SMOC2: variants seen among roughly 807,000 people sequenced by gnomAD.
SMOC2 encodes the protein SPARC related modular calcium binding 2, also known as SPARC-related modular calcium-binding protein 2.
Under a neutral mutation model 61.4 loss-of-function variants are expected in SMOC2, and 39 were observed. The observed-to-expected ratio is 0.64, with a 90% confidence interval of 0.49 to 0.83. The LOEUF is 0.83. Among genes scored for constraint, SMOC2 ranks in the 40% least tolerant of loss-of-function variants. The pLI is 0.00. For synonymous variants in SMOC2, 247 were observed against 239.9 expected (o/e 1.03, Z -0.27); for missense variants, 556 against 592.9 (o/e 0.94, Z 0.65).
At chr6:168,536,495 G>A (rs895796872) in intron 4 of SMOC2, among the ~76,000 whole-genome samples, 2 of 152,174 alleles carry the variant, frequency 1.3e-5, no homozygotes, top group Non-Finnish European at 2.9e-5. Flanking sequence ...GTGAAGCTCA[G>A]CCTCACGGTG....
intron 1 of SMOC2, among the ~76,000 whole-genome samples, chr6:168,459,690 G>T (rs1320945233): frequency 7.1e-6 from 1 of 141,198 alleles, no homozygotes; most frequent in South Asian, 2.4e-4. Context: ...CCTGGGGTGG[G>T]TGAGCCCTGG....
chr6:168,548,042 C>T (rs539787081), intron 6 of SMOC2, among the ~76,000 whole-genome samples: 5 of 152,076 alleles, frequency 3.3e-5, no homozygotes, highest in Non-Finnish European at 7.3e-5. Flanking sequence ...ATTATCAGGT[C>T]AAAGGGAACC....
chr6:168,581,108 G>A (rs1164942685), intron 7 of SMOC2, among the ~76,000 whole-genome samples: 1 of 152,114 alleles, frequency 6.6e-6, no homozygotes, highest in African/African-American at 2.4e-5. Flanking sequence ...TCCAACAGAA[G>A]TATAAGTTTC....
chr6:168,591,958 T>A (rs569396230), intron 7 of SMOC2, among the ~76,000 whole-genome samples: 1 of 152,328 alleles, frequency 6.6e-6, no homozygotes, highest in South Asian at 2.1e-4. Flanking sequence ...CAATGGTCAT[T>A]TTTGGAAGCG....
chr6:168,597,438 C>A (rs1369124187), intron 7 of SMOC2, among the ~76,000 whole-genome samples: 3 of 152,170 alleles, frequency 2.0e-5, no homozygotes, highest in Admixed American at 1.3e-4. Context: ...CAATAGCTAA[C>A]ATTTGTGGAA....
At chr6:168,471,697 TCTCACCAACA>T (rs1231833458) in intron 1 of SMOC2, among the ~76,000 whole-genome samples, 5 of 152,232 alleles carry the variant, frequency 3.3e-5, no homozygotes, top group African/African-American at 1.2e-4. Context: ...TTCTTCACAT[TCTCACCAACA>T]CTTGTTATTT....
At position 168,490,459 on chromosome 6, in the gene SMOC2, G is replaced by A. The variant is rs9456129; in HGVS notation, c.85-19456G>A. ...GGCTCCAGAGGGGACCTTTCACTGGGCAGCTGACTCTCACTCACCCCTTGA... is the reference window on the plus strand; with the variant it reads ...GGCTCCAGAGGGGACCTTTCACTGGACAGCTGACTCTCACTCACCCCTTGA... On this transcript the variant is annotated intron_variant, in intron 1 of 12. Transcript: ENST00000356284. 1.7e-3 allele frequency among the ~76,000 whole-genome samples: 265 copies of A among 152,230 alleles called. 3 individuals carry two copies. The highest frequency in any genetic ancestry group is 6.0e-3 in the African/African-American group (250 of 41,536).
intron 7 of SMOC2, among the ~76,000 whole-genome samples, chr6:168,574,455 G>A (rs1229528014): frequency 1.3e-5 from 2 of 152,242 alleles, no homozygotes; most frequent in East Asian, 3.9e-4. Flanking sequence ...GAAATCCCTG[G>A]GAGAGTGAAC....
intron 1 of SMOC2, among the ~76,000 whole-genome samples, chr6:168,443,827 C>T (rs1000569034): frequency 1.3e-5 from 2 of 152,164 alleles, no homozygotes; most frequent in African/African-American, 4.8e-5. Flanking sequence ...TGGGTGGGAC[C>T]CACAGCTTAG....
chr6:168,626,094 A>C (rs903699959), intron 9 of SMOC2, among the ~76,000 whole-genome samples: 1 of 152,192 alleles, frequency 6.6e-6, no homozygotes, highest in Non-Finnish European at 1.5e-5. Flanking sequence ...AGTAGCCCCC[A>C]CGTGAAGCAG....
intron 11 of SMOC2, 83 bp from the exon 12 acceptor site, chr6:168,663,991 G>A: frequency 1.7e-6 from 2 of 1,159,468 alleles, no homozygotes; most frequent in Non-Finnish European, 2.5e-6. Flanking sequence ...AAGTGATGTG[G>A]ACTCCTTCCT....
At chr6:168,465,096 G>A (rs562358311) in intron 1 of SMOC2, among the ~76,000 whole-genome samples, 1 of 152,368 alleles carries the variant, frequency 6.6e-6, no homozygotes, top group African/African-American at 2.4e-5. Context: ...TGGAAGGAAG[G>A]GAACCTGCCC....
intron 7 of SMOC2, among the ~76,000 whole-genome samples, chr6:168,574,869 C>T (rs921489536): frequency 2.0e-5 from 3 of 152,182 alleles, no homozygotes; most frequent in Non-Finnish European, 2.9e-5. Context: ...GGCCGGCCAC[C>T]GCCCTTTGCA....
At chr6:168,591,925 T>C (rs1785190511) in intron 7 of SMOC2, among the ~76,000 whole-genome samples, 1 of 152,192 alleles carries the variant, frequency 6.6e-6, no homozygotes, top group Admixed American at 6.5e-5. Context: ...ATTTCCAGAA[T>C]TTCTAGCTTT....
At position 168,560,170 on chromosome 6, in the gene SMOC2, A is replaced by G. The variant is rs190368823; in HGVS notation, c.637+10967A>G. The stretch of plus-strand genomic sequence containing the variant: ...ATTTATCATCTTTCCCCTTTTATGT[A>G]CCTGCAGCCTACATTTGTGTCTCAG... On this transcript the variant is annotated intron_variant, in intron 7 of 12. Transcript: ENST00000356284. 1.4e-3 allele frequency among the ~76,000 whole-genome samples: 216 copies of G among 152,176 alleles called. 2 individuals are homozygous for G. Among genetic ancestry groups the G allele is most frequent in the African/African-American group, 4.6e-3 (193 of 41,516 alleles).
intron 7 of SMOC2, among the ~76,000 whole-genome samples, chr6:168,596,606 A>G (rs375889805): frequency 6.6e-6 from 1 of 152,248 alleles, no homozygotes; most frequent in Admixed American, 6.5e-5. Flanking sequence ...GCGCAGTTCC[A>G]TTGAGTGATG....
chr6:168,567,213 T>C (rs997841691), intron 7 of SMOC2, among the ~76,000 whole-genome samples: 4 of 152,236 alleles, frequency 2.6e-5, no homozygotes, highest in Non-Finnish European at 5.9e-5. Flanking sequence ...AAAATTTTCT[T>C]AAAAATACTT....
intron 1 of SMOC2, among the ~76,000 whole-genome samples, chr6:168,481,843 A>G (rs1782214241): frequency 6.6e-6 from 1 of 151,942 alleles, no homozygotes; most frequent in African/African-American, 2.4e-5. Flanking sequence ...AAAAGATTCC[A>G]TGCCAAAAAA....
intron 4 of SMOC2, 68 bp from the exon 5 acceptor site, chr6:168,543,557 A>G: frequency 7.2e-7 from 1 of 1,385,304 alleles, no homozygotes; most frequent in African/African-American, 1.4e-5. Context: ...TATGTGCATA[A>G]CTTAATTTGT....
Sources: gnomAD v4.1 joint callset for allele counts (sites outside exome capture counted in the v4.1 genomes callset) on GRCh38, gnomAD v4.1.1 for gene constraint, MANE v1.5 for transcripts, NCBI Gene and HGNC (gene_info 2026-07-23, HGNC 2026-07-21) for gene names.